The following CPZ variants were observed in gnomAD, a reference collection of about 807,000 sequenced individuals.
CPZ encodes the protein carboxypeptidase Z.
Under a neutral mutation model 61.8 loss-of-function variants are expected in CPZ, and 103 were observed. The ratio of observed to expected loss-of-function variants is 1.67; its 90% CI spans 1.42 to 1.96. The LOEUF (loss-of-function observed/expected upper bound fraction) is 1.96. CPZ is among the 30% of genes most tolerant of loss of function. The pLI is 0.00. For missense variants in CPZ, 1,461 were observed against 914.9 expected (o/e 1.60, Z -7.70); for synonymous variants, 551 against 373.7 (o/e 1.47, Z -5.47).
Position 8,619,674 on chromosome 4 carries a change from G to A in CPZ, c.*57G>A, listed in dbSNP as rs1275799279. On this transcript the variant is annotated 3_prime_UTR_variant, in exon 11 of 11. Coordinates refer to ENST00000360986, the MANE Select transcript of CPZ (RefSeq NM_001014447.3). Reference sequence around the variant, plus strand: ...ACCGAGGCCCATCTCCGCATCCCGGGCTCCTGGCTCTTGATTTTGTCTGCC... The same window carrying A: ...ACCGAGGCCCATCTCCGCATCCCGGACTCCTGGCTCTTGATTTTGTCTGCC... The A allele has an allele frequency of 8.4e-6, 11 of 1,309,680 alleles. No individual in the cohort carries two copies. The highest frequency in any genetic ancestry group is 1.7e-5 in the South Asian group (1 of 57,866). The allele number at this position is 1,309,680 out of a possible 1,614,324, so 81.1% of individuals were successfully genotyped here. A position where few individuals can be genotyped will look rare whatever the true frequency, so the allele number is the denominator to read the frequency against.
rs536962757 is a variant in CPZ, at chr4:8,604,007, A to G, written c.528A>G (p.Ser176=). The part of the protein sequence containing the change: ...GGLEADEALP[S]GLPPTFIRFS... ...TGGAGGCTGACGAGGCACTGCCCTC[A>G]GGGCTGCCGCCCACCTTCATCCGCT... Residue 176 remains serine (S), a synonymous_variant, in exon 4 of 11, where the codon TCA becomes TCG. Transcript: ENST00000360986. 3.7e-6 allele frequency: 6 copies of G among 1,612,154 alleles called. No homozygotes were observed. In the African/African-American group the frequency reaches 4.0e-5, roughly 11 times the overall value.
intron 9 of CPZ, among the ~76,000 whole-genome samples, chr4:8,615,868 GAAAC>G (rs1244324955): frequency 3.3e-5 from 5 of 152,232 alleles, no homozygotes; most frequent in African/African-American, 9.6e-5. Flanking sequence ...AGATAGGAAA[GAAAC>G]AAAGCCCCAC....
intron 6 of CPZ, 29 bp downstream of exon 6, chr4:8,606,927 TCCA>T (rs1419067692): frequency 6.4e-7 from 1 of 1,565,132 alleles, no homozygotes; most frequent in Non-Finnish European, 8.7e-7. Flanking sequence ...CATGCTGGTC[TCCA>T]CCAAGGCATC....
chr4:8,594,889 C>T (rs559132000), intron 1 of CPZ, among the ~76,000 whole-genome samples: 6 of 152,154 alleles, frequency 3.9e-5, no homozygotes, highest in African/African-American at 1.4e-4. Context: ...TCTCCTGGCT[C>T]AGCCTCCCGA....
intron 9 of CPZ, 198 bp from the exon 10 acceptor site, chr4:8,618,231 A>G (rs893744057): frequency 4.6e-5 from 27 of 593,340 alleles, no homozygotes; most frequent in Admixed American, 3.0e-4. Flanking sequence ...GTCAATTGCC[A>G]GGGAGGAAAC....
At chr4:8,610,327 A>G (rs769529202) in intron 7 of CPZ, among the ~76,000 whole-genome samples, 1 of 152,168 alleles carries the variant, frequency 6.6e-6, no homozygotes, top group Non-Finnish European at 1.5e-5. Context: ...TGTTAGCCAG[A>G]TCTGGGCCCC....
At chr4:8,607,221 A>G in intron 6 of CPZ, 46 bp from the exon 7 acceptor site, 1 of 1,596,694 alleles carries the variant, frequency 6.3e-7, no homozygotes, top group Non-Finnish European at 8.6e-7. Context: ...GCTGCGGGCC[A>G]GTGGGAAAGC....
intron 8 of CPZ, among the ~76,000 whole-genome samples, chr4:8,613,472 G>A (rs1474370989): frequency 6.6e-6 from 1 of 152,198 alleles, no homozygotes; most frequent in Non-Finnish European, 1.5e-5. Context: ...AAAGCATGAA[G>A]CCGGGGACCA....
chr4:8,599,633 A>T lies in CPZ; in HGVS notation c.121+148A>T, dbSNP rs146209781. 614 of 1,462,202 alleles carry T rather than the reference A, an allele frequency of 4.2e-4. 1 individual carries two copies. In the African/African-American group the frequency reaches 8.1e-3, roughly 19 times the overall value. The allele number at this position is 1,462,202 out of a possible 1,614,324, so 90.6% of individuals were successfully genotyped here. On this transcript the variant is annotated intron_variant, in intron 2 of 10. Transcript: ENST00000360986. ...TAATCAAACTAGAACCCCCTCGTAAACAGCCAGAGAAAAATTAGACATAAC... is the reference window on the plus strand; with the variant it reads ...TAATCAAACTAGAACCCCCTCGTAATCAGCCAGAGAAAAATTAGACATAAC...
chr4:8,612,052 A>G lies in CPZ; in HGVS notation c.1253A>G (p.Tyr418Cys). Residue 418 changes from tyrosine (Y) to cysteine (C), a missense_variant, in exon 8 of 11, where the codon TAC becomes TGC. By Grantham distance (194) the Tyr-to-Cys change is radical. Transcript: ENST00000360986. ...ATGTTCAAGCTGCTGTCCAGAGCCTACGCTGACGTCCACCCCATGATGATG... is the reference window on the plus strand; with the variant it reads ...ATGTTCAAGCTGCTGTCCAGAGCCTGCGCTGACGTCCACCCCATGATGATG... ...EKMFKLLSRA[Y>C]ADVHPMMMDR... 1 of 1,613,956 alleles carries G rather than the reference A, an allele frequency of 6.2e-7. No individual in the cohort carries two copies. Among genetic ancestry groups the G allele is most frequent in the Non-Finnish European group, 8.5e-7 (1 of 1,180,012 alleles).
At chr4:8,610,987 CTCACTCTT>C (rs535295039) in intron 7 of CPZ, among the ~76,000 whole-genome samples, 9 of 150,786 alleles carry the variant, frequency 6.0e-5, no homozygotes, top group South Asian at 2.1e-4. Flanking sequence ...CACTCAGTCA[CTCACTCTT>C]TCACTCATTC....
intron 1 of CPZ, among the ~76,000 whole-genome samples, chr4:8,593,800 CTT>C (rs1713973996): frequency 6.6e-6 from 1 of 152,210 alleles, no homozygotes; most frequent in Admixed American, 6.5e-5. Flanking sequence ...TGTGTCGACA[CTT>C]TTCCTTTCCG....
Position 8,603,999 on chromosome 4 carries a change from C to T in CPZ, c.520C>T (p.Leu174=), listed in dbSNP as rs201436389. 36 of 1,612,182 alleles carry T rather than the reference C, an allele frequency of 2.2e-5. No homozygotes were observed. In the Admixed American group the frequency reaches 5.3e-4, roughly 24 times the overall value. The change falls in exon 4 of 11, where the codon CTG becomes TTG. Residue 174 remains leucine, a synonymous_variant. Coordinates refer to ENST00000360986, the MANE Select transcript of CPZ (RefSeq NM_001014447.3). Reference sequence around the variant, plus strand: ...AGGAGGCCTGGAGGCTGACGAGGCACTGCCCTCAGGGCTGCCGCCCACCTT... The same window carrying T: ...AGGAGGCCTGGAGGCTGACGAGGCATTGCCCTCAGGGCTGCCGCCCACCTT... The part of the protein sequence containing the change: ...LRGGLEADEA[L]PSGLPPTFIR...
At chr4:8,613,217 T>C (rs1318747760) in intron 8 of CPZ, among the ~76,000 whole-genome samples, 4 of 151,324 alleles carry the variant, frequency 2.6e-5, no homozygotes, top group African/African-American at 4.9e-5. Context: ...CTGCAATCTC[T>C]GCCTCCCGGG....
At chr4:8,612,205 G>GGGGGGGGGGGGGGGC in intron 8 of CPZ, 43 bp downstream of exon 8, 6 of 202,850 alleles carry the variant, frequency 3.0e-5, no homozygotes, top group East Asian at 1.2e-4. Flanking sequence ...GGTGGGGGGT[G>GGGGGGGGGGGGGGGC]CAGGGGCTGG....
intron 7 of CPZ, among the ~76,000 whole-genome samples, chr4:8,609,119 C>CCAT (rs1371534226): frequency 3.7e-4 from 5 of 13,618 alleles, no homozygotes; most frequent in East Asian, 5.7e-3. Context: ...TCCTCACTCC[C>CCAT]TCACTCATTC....
chr4:8,612,038 G>A lies in CPZ; in HGVS notation c.1239G>A (p.Leu413=), dbSNP rs1199228361. 5 of 1,613,986 alleles carry A rather than the reference G, an allele frequency of 3.1e-6. No homozygotes were observed. The highest frequency in any genetic ancestry group is 4.2e-6 in the Non-Finnish European group (5 of 1,180,010). ...SPTPDEKMFK[L]LSRAYADVHP... ...GGTTTCTTTTCCAGATGTTCAAGCT[G>A]CTGTCCAGAGCCTACGCTGACGTCC... The change falls in exon 8 of 11, where the codon CTG becomes CTA. Residue 413 remains leucine (L), a synonymous_variant. Transcript: ENST00000360986.
intron 2 of CPZ, 184 bp downstream of exon 2, chr4:8,599,669 C>A: frequency 7.0e-7 from 1 of 1,429,022 alleles, no homozygotes; most frequent in East Asian, 2.6e-5. Flanking sequence ...AAAAAAAGAC[C>A]AGCTAGGAAA....
In CPZ at chr4:8,603,957, C is replaced by A. The variant is rs116765715; in HGVS notation, c.497-19C>A. ...CCTGGGGGCCTGACACTGACTGAGC[C>A]CCCCCACTGCTCCCCCAGGAGGCCT... On this transcript the variant is annotated intron_variant, in intron 3 of 10. Transcript: ENST00000360986. 0.014 allele frequency: 23,045 copies of A among 1,608,618 alleles called. 367 individuals are homozygous for A. Among genetic ancestry groups the A allele is most frequent in the Middle Eastern group, 0.054 (328 of 6,036 alleles).
Sources: allele counts gnomAD v4.1 joint callset (sites outside exome capture counted in the v4.1 genomes callset), GRCh38; gene constraint gnomAD v4.1.1; transcripts MANE v1.5; gene names NCBI Gene and HGNC (gene_info 2026-07-23, HGNC 2026-07-21).